DCAF4: variants seen among roughly 807,000 people sequenced by gnomAD.
DCAF4 encodes DDB1- and CUL4-associated factor 4.
DCAF4 carries 37 observed loss-of-function variants against 60.9 expected under a neutral mutation model. That is an observed-to-expected ratio of 0.61 (90% CI 0.47 to 0.80). DCAF4 has a LOEUF of 0.80. Ranked by LOEUF, DCAF4 falls within the 30% of genes least tolerant of loss-of-function variation. DCAF4 has a pLI of 0.00. For missense variants in DCAF4, 577 were observed against 650.0 expected (o/e 0.89, Z 1.22); for synonymous variants, 243 against 254.8 (o/e 0.95, Z 0.44).
intron 1 of DCAF4, among the ~76,000 whole-genome samples, chr14:72,936,094 C>G (rs1889225939): frequency 6.6e-6 from 1 of 152,144 alleles, no homozygotes; most frequent in African/African-American, 2.4e-5. Context: ...AGCCATTTTC[C>G]TACCAGTCTT....
chr14:72,939,623 C>A (rs1171814754), intron 2 of DCAF4, among the ~76,000 whole-genome samples, 179 bp from the exon 3 acceptor site: 1 of 152,146 alleles, frequency 6.6e-6, no homozygotes, highest in Non-Finnish European at 1.5e-5. Context: ...GAATGAAAAA[C>A]CAAAACCTTG....
chr14:72,943,887 T>C (rs543899678), intron 6 of DCAF4, among the ~76,000 whole-genome samples: 1 of 152,192 alleles, frequency 6.6e-6, no homozygotes, highest in Non-Finnish European at 1.5e-5. Context: ...TGGAGGTTGA[T>C]ACTGCATCCT....
chr14:72,953,479 G>C (rs1455076683), intron 9 of DCAF4, among the ~76,000 whole-genome samples: 1 of 151,368 alleles, frequency 6.6e-6, no homozygotes, highest in Admixed American at 6.6e-5. Context: ...GGAGGCCAAG[G>C]CAGGATAATC....
At chr14:72,927,165 C>T (rs929843368) in intron 1 of DCAF4, among the ~76,000 whole-genome samples, 1 of 152,136 alleles carries the variant, frequency 6.6e-6, no homozygotes, top group Non-Finnish European at 1.5e-5. Context: ...GTGGGCTCCC[C>T]GGGGGCTTCA....
Position 72,954,452 on chromosome 14 carries a change from G to C in DCAF4, c.974G>C (p.Ser325Thr). Residue 325 changes from serine to threonine, a missense_variant, in exon 11 of 14, where the codon AGT becomes ACT. Transcript: ENST00000358377. ...CACCGGCAGTCCTTTGGGACCAACAGTGATGTCTTGGCCCAGCAGTTTGCT... is the reference window on the plus strand; with the variant it reads ...CACCGGCAGTCCTTTGGGACCAACACTGATGTCTTGGCCCAGCAGTTTGCT... The part of the protein sequence containing the change: ...TGHRQSFGTN[S>T]DVLAQQFALM... The C allele has an allele frequency of 6.2e-7, 1 of 1,614,248 alleles. No homozygotes were observed. The highest frequency in any genetic ancestry group is 2.2e-5 in the East Asian group (1 of 44,884).
At chr14:72,954,102 C>G in intron 9 of DCAF4, 62 bp from the exon 10 acceptor site, 3 of 1,570,080 alleles carry the variant, frequency 1.9e-6, no homozygotes, top group Middle Eastern at 1.9e-4. Context: ...TTTTCCGAAC[C>G]CAGTGGTCCC....
chr14:72,928,953 C>T (rs1331132225), intron 1 of DCAF4, among the ~76,000 whole-genome samples: 1 of 143,590 alleles, frequency 7.0e-6, no homozygotes, highest in Non-Finnish European at 1.5e-5. Flanking sequence ...GGACCGACCC[C>T]CTGTGCTGTC....
intron 9 of DCAF4, 58 bp downstream of exon 9, chr14:72,951,935 G>T: frequency 6.3e-7 from 1 of 1,593,160 alleles, no homozygotes. Flanking sequence ...AGCTGTGTGG[G>T]GGTGGCTTAG....
intron 1 of DCAF4, among the ~76,000 whole-genome samples, chr14:72,937,129 A>G (rs529105235): frequency 7.2e-4 from 109 of 152,288 alleles, no homozygotes; most frequent in African/African-American, 2.1e-3. Flanking sequence ...GAATATGCCC[A>G]TTTTTTTGGA....
At chr14:72,932,062 C>G (rs1888655205) in intron 1 of DCAF4, among the ~76,000 whole-genome samples, 1 of 150,556 alleles carries the variant, frequency 6.6e-6, no homozygotes, top group Admixed American at 6.6e-5. Flanking sequence ...GATCTCGGCT[C>G]ACTGCAACCT....
intron 9 of DCAF4, among the ~76,000 whole-genome samples, chr14:72,953,728 A>ATGT (rs1479912270): frequency 1.1e-4 from 4 of 37,768 alleles, no homozygotes; most frequent in Non-Finnish European, 1.9e-4. Flanking sequence ...AAAAAAAAAA[A>ATGT]AAAAATATAT....
intron 2 of DCAF4, 91 bp downstream of exon 2, chr14:72,938,161 A>C: frequency 2.0e-6 from 3 of 1,463,464 alleles, no homozygotes; most frequent in Non-Finnish European, 2.7e-6. Context: ...TGTGGAGATC[A>C]CCTGGGGGCT....
intron 9 of DCAF4, among the ~76,000 whole-genome samples, chr14:72,953,782 TTGTGTGTGTGTG>T (rs149574612): frequency 0.038 from 1,571 of 41,088 alleles, 166 homozygotes; most frequent in East Asian, 0.055. Flanking sequence ...ATTTATTTAT[TTGTGTGTGTGTG>T]TGTGTGTGTG....
At chr14:72,961,927 C>T (rs545723756), downstream of DCAF4, 6 of 1,144,500 alleles carry the variant, frequency 5.2e-6, no homozygotes, top group Middle Eastern at 2.5e-4. Flanking sequence ...GTTTGGCTAC[C>T]GCGGGAACAC....
chr14:72,954,157 TTAGCAGGAA>T lies in DCAF4; in HGVS notation c.809-3_814del. On this transcript the variant is annotated splice_acceptor_variant and splice_polypyrimidine_tract_variant and coding_sequence_variant and intron_variant, in exon 10 of 14. Coordinates refer to ENST00000358377, the MANE Select transcript of DCAF4 (RefSeq NM_015604.4). LOFTEE classifies it high-confidence loss of function. ...CCACACTTTACATTCTCCTATCCCC[TTAGCAGGAA>T]TAGACCGGCCTGGCATGCTCTGCAG... The T allele has an allele frequency of 6.2e-7, 1 of 1,613,952 alleles. No individual in the cohort carries two copies. The highest frequency in any genetic ancestry group is 8.5e-7 in the Non-Finnish European group (1 of 1,179,984).
chr14:72,961,443 C>T (rs1259899769), downstream of DCAF4, among the ~76,000 whole-genome samples: 1 of 152,250 alleles, frequency 6.6e-6, no homozygotes, highest in East Asian at 1.9e-4. Flanking sequence ...CTCCTCTACT[C>T]ACATGATCCT....
At chr14:72,953,725 AAAAAAAAATAT>A (rs1409851857) in intron 9 of DCAF4, among the ~76,000 whole-genome samples, 1,228 of 52,494 alleles carry the variant, frequency 0.023, 111 homozygotes, top group Non-Finnish European at 0.035. Flanking sequence ...AAAAAAAAAA[AAAAAAAAATAT>A]ATATATATAT....
At chr14:72,958,554 G>C in intron 13 of DCAF4, 58 bp from the exon 14 acceptor site, 1 of 1,599,992 alleles carries the variant, frequency 6.3e-7, no homozygotes, top group Admixed American at 1.7e-5. Context: ...TCCACATGTA[G>C]GTAAGTTTTC....
rs1209129684 is a variant in DCAF4 at position 72,941,739 on chromosome 14, A to G, written c.352-6A>G. On this transcript the variant is annotated splice_region_variant and splice_polypyrimidine_tract_variant and intron_variant, in intron 4 of 13. Coordinates refer to ENST00000358377, the MANE Select transcript of DCAF4 (RefSeq NM_015604.4). ...TGAATTGTTCTCTTTTTTGTAATAA[A>G]TATAGATTGCCAGGATGGGATTTAA... The G allele has an allele frequency of 6.2e-7, 1 of 1,612,656 alleles. No homozygotes were observed. The highest frequency in any genetic ancestry group is 1.7e-5 in the Admixed American group (1 of 59,728).
Sources: allele counts gnomAD v4.1 joint callset (sites outside exome capture counted in the v4.1 genomes callset), GRCh38; gene constraint gnomAD v4.1.1; transcripts MANE v1.5; gene names NCBI Gene and HGNC (gene_info 2026-07-23, HGNC 2026-07-21).